The following PKD1L3 variants were observed in gnomAD, a reference collection of about 807,000 sequenced individuals.
The protein encoded by PKD1L3 is polycystin-1-like protein 3.
A neutral mutation model predicts 184.1 loss-of-function variants in PKD1L3; 239 were observed. The ratio of observed to expected loss-of-function variants is 1.30; its 90% CI spans 1.17 to 1.45. The LOEUF (loss-of-function observed/expected upper bound fraction) is 1.45. Ranked by LOEUF, PKD1L3 falls within the 40% of genes most tolerant of loss-of-function variation. PKD1L3 has a pLI of 0.00. For synonymous variants in PKD1L3, 996 were observed against 778.8 expected, an observed-to-expected ratio of 1.28 and a Z score of -4.64; for missense variants, 2,660 against 2,067.2, an observed-to-expected ratio of 1.29 and a Z score of -5.56.
chr16:71,955,975 G>A (rs2039029808), intron 16 of PKD1L3, among the ~76,000 whole-genome samples: 1 of 151,940 alleles, frequency 6.6e-6, no homozygotes, highest in Admixed American at 6.6e-5. Flanking sequence ...CCAGTCTTAG[G>A]TACGTCTCCA....
At chr16:71,964,686 A>G (rs1423179919) in intron 15 of PKD1L3, among the ~76,000 whole-genome samples, 1 of 151,684 alleles carries the variant, frequency 6.6e-6, no homozygotes, top group Non-Finnish European at 1.5e-5. Context: ...CCATCAAAAT[A>G]TCACCCCCAA....
At chr16:71,969,365 T>C (rs563333626) in intron 13 of PKD1L3, among the ~76,000 whole-genome samples, 7 of 58,516 alleles carry the variant, frequency 1.2e-4, no homozygotes, top group African/African-American at 4.9e-4. Flanking sequence ...TGGAGTAAAA[T>C]GGCACAATAG....
In PKD1L3 at chr16:71,942,659, A is replaced by C. The variant is rs2038400775; in HGVS notation, c.4225T>G (p.Tyr1409Asp). The change falls in exon 24 of 30, where the codon TAC becomes GAC. Residue 1409 changes from tyrosine (Y) to aspartate (D), a missense_variant. Physicochemically the swap from Tyr to Asp is radical, Grantham distance 160. Coordinates refer to ENST00000620267, the MANE Select transcript of PKD1L3 (RefSeq NM_181536.2). ...FPGLHLRRFSYICSPRPMVLI... is the reference protein window; with the variant it reads ...FPGLHLRRFSDICSPRPMVLI... ...ACCATGGGCCTGGGTGAACAGATGT[A>C]ACTGAACCTCCTTAGATGAAGTCCA... is the stretch of plus-strand genomic sequence containing the variant. 1 of 1,551,616 alleles carries C rather than the reference A, an allele frequency of 6.4e-7. No individual in the cohort carries two copies. The highest frequency in any genetic ancestry group is 2.0e-5 in the Admixed American group (1 of 50,976).
intron 1 of PKD1L3, among the ~76,000 whole-genome samples, chr16:71,999,244 C>G (rs2040890755): frequency 1.4e-5 from 2 of 145,828 alleles, no homozygotes; most frequent in Non-Finnish European, 3.0e-5. Flanking sequence ...GCACTCCAGC[C>G]TGGGCGACAG....
At chr16:71,979,977 A>G in intron 8 of PKD1L3, 30 bp downstream of exon 8, 1 of 1,550,524 alleles carries the variant, frequency 6.4e-7, no homozygotes. Flanking sequence ...AAACACAGTG[A>G]AACTCTCCCC....
At position 71,964,630 on chromosome 16, in the gene PKD1L3, T is replaced by C. The variant is rs570268837; in HGVS notation, c.2466-1279A>G. Among the ~76,000 whole-genome samples, 6 of 151,772 alleles carry C rather than the reference T, an allele frequency of 4.0e-5. No homozygotes were observed. In the East Asian group the frequency reaches 5.8e-4, roughly 15 times the overall value. On this transcript the variant is annotated intron_variant, in intron 15 of 29. Transcript: ENST00000620267. ...CTGGGATCACAGGCATGAGACACCATGCCTGGCCAATTCAATGTATTTTGA... is the reference window on the plus strand; with the variant it reads ...CTGGGATCACAGGCATGAGACACCACGCCTGGCCAATTCAATGTATTTTGA...
chr16:71,945,988 C>T (rs950893742), intron 22 of PKD1L3, among the ~76,000 whole-genome samples: 3 of 152,218 alleles, frequency 2.0e-5, no homozygotes, highest in Admixed American at 6.5e-5. Context: ...GACGAAGTTC[C>T]GCTCTTGTCA....
At position 71,967,949 on chromosome 16, in the gene PKD1L3, T is replaced by C; in HGVS notation, c.2243A>G (p.Gln748Arg). ...GCTTCTTCGATATCCGGTGTAGACC[T>C]GAATAAGGTAGTGAAATTGAGCGCT... ...DPSAQFHYLIQVYTGYRRSAA... is the reference protein window; with the variant it reads ...DPSAQFHYLIRVYTGYRRSAA... The change falls in exon 14 of 30, where the codon CAG becomes CGG. Residue 748 changes from glutamine (Q) to arginine (R), a missense_variant. By Grantham distance (43) the Gln-to-Arg change is conservative (BLOSUM62 1). Transcript: ENST00000620267. 1 of 1,551,656 alleles carries C rather than the reference T, an allele frequency of 6.4e-7. No individual in the cohort carries two copies. Among genetic ancestry groups the C allele is most frequent in the Non-Finnish European group, 8.7e-7 (1 of 1,146,920 alleles).
chr16:71,929,974 C>G, intron 29 of PKD1L3, 78 bp downstream of exon 29: 1 of 1,411,850 alleles, frequency 7.1e-7, no homozygotes. Flanking sequence ...ATTATGTCAG[C>G]CCGTCATCTT....
In PKD1L3 at chr16:71,933,946, A is replaced by G. The variant is rs2038083467; in HGVS notation, c.4793T>C (p.Ile1598Thr). ...WDEVVGFLLIILILLTGYAIA... is the reference protein window; with the variant it reads ...WDEVVGFLLITLILLTGYAIA... The stretch of plus-strand genomic sequence containing the variant: ...GGCATAGCCTGTCAGCAGGATTAGG[A>G]TGATCAGCAGAAAGCCCACCACCTC... Residue 1598 changes from isoleucine (I) to threonine (T), a missense_variant, in exon 27 of 30, where the codon ATC (isoleucine) becomes ACC (threonine). Physicochemically the swap from Ile to Thr is moderately conservative, Grantham distance 89. Transcript: ENST00000620267. 6.4e-7 allele frequency: 1 copy of G among 1,551,364 alleles called. No individual in the cohort carries two copies. The highest frequency in any genetic ancestry group is 1.4e-5 in the African/African-American group (1 of 72,998).
At chr16:71,938,581 C>A (rs1213159186) in intron 24 of PKD1L3, among the ~76,000 whole-genome samples, 7 of 152,238 alleles carry the variant, frequency 4.6e-5, no homozygotes, top group Admixed American at 1.3e-4. Flanking sequence ...TATGGCGCTT[C>A]TTCTGGGCCC....
At chr16:71,932,945 C>T (rs182586908) in intron 28 of PKD1L3, among the ~76,000 whole-genome samples, 2 of 151,852 alleles carry the variant, frequency 1.3e-5, no homozygotes, top group East Asian at 1.9e-4. Flanking sequence ...TGCCACCACA[C>T]CTGGCTAATT....
intron 11 of PKD1L3, among the ~76,000 whole-genome samples, chr16:71,974,366 T>C (rs2143663445): frequency 6.6e-6 from 1 of 152,272 alleles, no homozygotes; most frequent in South Asian, 2.1e-4. Context: ...TGACATATCA[T>C]TGCCAAGATC....
Position 71,960,633 on chromosome 16 carries a change from CTT to C in PKD1L3, c.2612+2570_2612+2571del, listed in dbSNP as rs551989516. Among the ~76,000 whole-genome samples the C allele has an allele frequency of 7.2e-5, 11 of 152,014 alleles. No individual in the cohort carries two copies. The South Asian group carries it at 2.3e-3, about 32-fold the overall frequency. ...ATAAAATATGTCTATACGGTAAAAA[CTT>C]ACATAACTGAAGGAGAATTAAACTC... On this transcript the variant is annotated intron_variant, in intron 16 of 29. Coordinates refer to ENST00000620267, the MANE Select transcript of PKD1L3 (RefSeq NM_181536.2).
At position 71,979,792 on chromosome 16, in the gene PKD1L3, A is replaced by G. The variant is rs540101280; in HGVS notation, c.1392T>C (p.Asn464=). Residue 464 remains asparagine (N), a synonymous_variant, in exon 9 of 30, where the codon AAT becomes AAC. Coordinates refer to ENST00000620267, the MANE Select transcript of PKD1L3 (RefSeq NM_181536.2). The stretch of plus-strand genomic sequence containing the variant: ...CAATCAATTTCACACTCACTTGGAC[A>G]TTAACTCCTGGATGTTTATTCAAGA... ...KELLNKHPGV[N]VQITGLAFNP... is the part of the protein sequence containing the mutation. The G allele has an allele frequency of 1.3e-6, 2 of 1,500,984 alleles. No homozygotes were observed. The highest frequency in any genetic ancestry group is 2.6e-5 in the South Asian group (2 of 75,692). The allele number at this position is 1,500,984 out of a possible 1,614,324, so 93.0% of individuals were successfully genotyped here.
At chr16:71,954,077 A>T (rs2038954603) in intron 17 of PKD1L3, 28 bp downstream of exon 17, 1 of 1,470,338 alleles carries the variant, frequency 6.8e-7, no homozygotes, top group Admixed American at 2.7e-5. Flanking sequence ...GCTTACTACA[A>T]ACAACACACA....
At chr16:71,983,185 C>T (rs117115894) in intron 6 of PKD1L3, among the ~76,000 whole-genome samples, 2,964 of 152,054 alleles carry the variant, frequency 0.019, 49 homozygotes, top group Non-Finnish European at 0.031. Context: ...GTGGCTCTGT[C>T]ACCCAGGCTG....
chr16:71,941,983 C>G (rs1271513228), intron 24 of PKD1L3, among the ~76,000 whole-genome samples: 2 of 151,806 alleles, frequency 1.3e-5, no homozygotes, highest in African/African-American at 4.8e-5. Flanking sequence ...TACTTTTTAA[C>G]ACTAACATGA....
chr16:71,942,711 G>GGTAT lies in PKD1L3; in HGVS notation c.4169_4172dup (p.Cys1392TyrfsTer32). On this transcript the variant is annotated frameshift_variant, in exon 24 of 30. Transcript: ENST00000620267. LOFTEE classifies it high-confidence loss of function. ...GGAATAGGCTCTTGGGACGCCCACA[G>GGTAT]GTATGGCCGTTATCACAAAACGCCA... is the stretch of plus-strand genomic sequence containing the variant. 6.4e-7 allele frequency: 1 copy of GGTAT among 1,551,718 alleles called. No homozygotes were observed. Among genetic ancestry groups the GGTAT allele is most frequent in the Non-Finnish European group, 8.7e-7 (1 of 1,147,010 alleles).
Sources: gnomAD v4.1 joint callset for allele counts (sites outside exome capture counted in the v4.1 genomes callset) on GRCh38, gnomAD v4.1.1 for gene constraint, MANE v1.5 for transcripts, NCBI Gene and HGNC (gene_info 2026-07-23, HGNC 2026-07-21) for gene names.